The following PHACTR3 variants were observed in gnomAD, a reference collection of about 807,000 sequenced individuals.
PHACTR3 encodes phosphatase and actin regulator 3, also known as protein phosphatase 1, regulatory subunit 123.
In PHACTR3, 16 loss-of-function variants were observed where a neutral mutation model predicts 66.8. The ratio of observed to expected loss-of-function variants is 0.24; its 90% CI spans 0.16 to 0.36. The LOEUF is 0.36. Among genes scored for constraint, PHACTR3 ranks in the 10% least tolerant of loss-of-function variants. The probability of loss-of-function intolerance (pLI) is 1.00; values close to 1 mark genes in which losing one functional copy is unlikely to be tolerated. For missense variants in PHACTR3, 647 were observed against 719.9 expected, an observed-to-expected ratio of 0.90 and a Z score of 1.16; for synonymous variants, 323 against 292.1, an observed-to-expected ratio of 1.11 and a Z score of -1.08.
At chr20:59,784,701 G>T (rs1021111687) in intron 7 of PHACTR3, among the ~76,000 whole-genome samples, 8 of 152,148 alleles carry the variant, frequency 5.3e-5, no homozygotes, top group African/African-American at 1.9e-4. Context: ...AGCCTCTGAG[G>T]GTTGTCCCAA....
chr20:59,773,484 G>A (rs1332900458), intron 6 of PHACTR3, 31 bp downstream of exon 6: 1 of 1,562,400 alleles, frequency 6.4e-7, no homozygotes, highest in Non-Finnish European at 8.6e-7. Context: ...GGAGACCTGT[G>A]CTGCCAGAAT....
intron 1 of PHACTR3, among the ~76,000 whole-genome samples, chr20:59,653,078 T>G (rs1362611508): frequency 6.6e-6 from 1 of 152,186 alleles, no homozygotes; most frequent in Admixed American, 6.5e-5. Flanking sequence ...GTGTAAATAT[T>G]TTTACATATT....
At chr20:59,769,165 C>G (rs188065251) in intron 5 of PHACTR3, among the ~76,000 whole-genome samples, 1 of 152,246 alleles carries the variant, frequency 6.6e-6, no homozygotes, top group Non-Finnish European at 1.5e-5. Context: ...AGCCCTGACC[C>G]TTGACCTCAT....
At chr20:59,744,639 T>TC (rs563781252) in intron 2 of PHACTR3, among the ~76,000 whole-genome samples, 201 of 152,328 alleles carry the variant, frequency 1.3e-3, no homozygotes, top group African/African-American at 4.6e-3. Flanking sequence ...CAGCAGGCCC[T>TC]CCACTCATGC....
At chr20:59,824,453 T>G (rs1223503777) in intron 8 of PHACTR3, among the ~76,000 whole-genome samples, 4 of 152,182 alleles carry the variant, frequency 2.6e-5, no homozygotes, top group Non-Finnish European at 5.9e-5. Context: ...GTTTATTCCC[T>G]TTTATCTTCC....
At position 59,656,820 on chromosome 20, in the gene PHACTR3, G is replaced by C. The variant is rs570720688; in HGVS notation, c.118+51688G>C. On this transcript the variant is annotated intron_variant, in intron 1 of 12. Transcript: ENST00000371015. ...AAAATTTATTTTCTTAGTGGTTGCTGTGGGGATTACCATATACATCTTAAC... is the reference window on the plus strand; with the variant it reads ...AAAATTTATTTTCTTAGTGGTTGCTCTGGGGATTACCATATACATCTTAAC... Among the ~76,000 whole-genome samples, 10 of 151,664 alleles carry C rather than the reference G, an allele frequency of 6.6e-5. No homozygotes were observed. In the East Asian group the frequency reaches 1.7e-3, roughly 26 times the overall value.
At chr20:59,693,258 T>C (rs1234910638) in intron 1 of PHACTR3, among the ~76,000 whole-genome samples, 5 of 152,240 alleles carry the variant, frequency 3.3e-5, no homozygotes, top group Non-Finnish European at 5.9e-5. Flanking sequence ...GTTGCATCTA[T>C]GTGCTTGACT....
chr20:59,668,317 TAC>T (rs1201113161), intron 1 of PHACTR3, among the ~76,000 whole-genome samples: 45 of 152,164 alleles, frequency 3.0e-4, no homozygotes, highest in African/African-American at 1.0e-3. Flanking sequence ...TATACGCCTG[TAC>T]ATGGTTAGAG....
chr20:59,833,222 C>T (rs958584811), intron 8 of PHACTR3, among the ~76,000 whole-genome samples: 6 of 152,220 alleles, frequency 3.9e-5, no homozygotes, highest in African/African-American at 1.4e-4. Flanking sequence ...ACCCTGTTGA[C>T]ATTCAGTGAG....
chr20:59,838,694 A>C (rs1288849291), intron 9 of PHACTR3, among the ~76,000 whole-genome samples: 1 of 152,238 alleles, frequency 6.6e-6, no homozygotes, highest in African/African-American at 2.4e-5. Flanking sequence ...CTGCATCAGA[A>C]GCAGTAATAC....
intron 1 of PHACTR3, among the ~76,000 whole-genome samples, chr20:59,609,115 CA>C (rs2033770148): frequency 6.6e-6 from 1 of 152,218 alleles, no homozygotes. Flanking sequence ...GGAGGGAGAG[CA>C]AAGAGGAGCC....
At chr20:59,694,670 G>C (rs927002453) in intron 1 of PHACTR3, among the ~76,000 whole-genome samples, 1 of 152,172 alleles carries the variant, frequency 6.6e-6, no homozygotes, top group African/African-American at 2.4e-5. Context: ...CTGTGTGATG[G>C]AGTAATAGTA....
rs900131040 is a variant in PHACTR3, at chr20:59,830,596, G to A, written c.1329-5909G>A. Among the ~76,000 whole-genome samples the A allele has an allele frequency of 1.3e-5, 2 of 152,238 alleles. No individual in the cohort carries two copies. Among genetic ancestry groups the A allele is most frequent in the African/African-American group, 4.8e-5 (2 of 41,468 alleles). ...GCAAGGAGGCGCTGGGCAGGATGGA[G>A]CCTGCAGCTCTGCTGGCTGAAGGTG... On this transcript the variant is annotated intron_variant, in intron 8 of 12. Coordinates refer to ENST00000371015, the MANE Select transcript of PHACTR3 (RefSeq NM_080672.5). The surrounding 1 kb of genome is among the most constrained non-coding windows in gnomAD (Gnocchi z 5.8).
chr20:59,787,834 T>A (rs1005469562), intron 7 of PHACTR3, among the ~76,000 whole-genome samples: 8 of 152,202 alleles, frequency 5.3e-5, no homozygotes, highest in Non-Finnish European at 1.0e-4. Context: ...CAGGTAGTGA[T>A]GCTTTTTACA....
At chr20:59,709,709 A>AT (rs2037842548) in intron 1 of PHACTR3, among the ~76,000 whole-genome samples, 2 of 152,022 alleles carry the variant, frequency 1.3e-5, no homozygotes, top group Non-Finnish European at 2.9e-5. Flanking sequence ...AAGAAATTAG[A>AT]TTTTTCATGC....
chr20:59,663,592 T>C (rs1016411215), intron 1 of PHACTR3, among the ~76,000 whole-genome samples: 2 of 152,102 alleles, frequency 1.3e-5, no homozygotes, highest in Non-Finnish European at 2.9e-5. Flanking sequence ...GTGACTCAGG[T>C]TAGTAAGGGT....
intron 1 of PHACTR3, among the ~76,000 whole-genome samples, chr20:59,583,070 G>T (rs1241561573): frequency 6.6e-6 from 1 of 152,110 alleles, no homozygotes; most frequent in East Asian, 1.9e-4. Context: ...CCTCAGCCGG[G>T]GGCATACCAG....
At chr20:59,627,479 G>C (rs1184835599) in intron 1 of PHACTR3, among the ~76,000 whole-genome samples, 4 of 152,218 alleles carry the variant, frequency 2.6e-5, no homozygotes, top group Non-Finnish European at 4.4e-5. Flanking sequence ...GGATGGAGAG[G>C]TTCTGGCGGC....
chr20:59,753,884 G>A (rs1207102437), intron 3 of PHACTR3, among the ~76,000 whole-genome samples: 1 of 152,182 alleles, frequency 6.6e-6, no homozygotes, highest in African/African-American at 2.4e-5. Context: ...GACTGACCAG[G>A]TCCTATGGAC....
Sources: allele counts gnomAD v4.1 joint callset (sites outside exome capture counted in the v4.1 genomes callset), GRCh38; gene constraint gnomAD v4.1.1; non-coding constraint Gnocchi (gnomAD v3.1); transcripts MANE v1.5; gene names NCBI Gene and HGNC (gene_info 2026-07-23, HGNC 2026-07-21).